The following CHMP3 variants were observed in gnomAD, a reference collection of about 807,000 sequenced individuals.
CHMP3 encodes 25.1 protein.
CHMP3 carries 8 observed loss-of-function variants against 27.4 expected under a neutral mutation model. The observed-to-expected ratio is 0.29, with a 90% CI of 0.17 to 0.53. The LOEUF is 0.53. CHMP3 is among the 20% of genes least tolerant of loss of function. The probability of loss-of-function intolerance (pLI) is 0.96; values close to 1 mark genes in which losing one functional copy is unlikely to be tolerated. For synonymous variants in CHMP3, 86 were observed against 85.5 expected (o/e 1.01, Z -0.03); for missense variants, 208 against 271.5 (o/e 0.77, Z 1.64).
chr2:86,527,498 T>C (rs1366674724), intron 3 of CHMP3, among the ~76,000 whole-genome samples: 2 of 152,230 alleles, frequency 1.3e-5, no homozygotes, highest in Non-Finnish European at 2.9e-5. Flanking sequence ...TCTGAATTTT[T>C]CAAGCTGGCT....
At chr2:86,518,459 A>G (rs1256913647) in intron 3 of CHMP3, among the ~76,000 whole-genome samples, 1 of 152,174 alleles carries the variant, frequency 6.6e-6, no homozygotes, top group Admixed American at 6.5e-5. Flanking sequence ...TATGACTTAC[A>G]TGCCTCCACT....
intron 4 of CHMP3, among the ~76,000 whole-genome samples, chr2:86,508,558 T>C (rs1224265961): frequency 6.6e-6 from 1 of 152,182 alleles, no homozygotes; most frequent in Non-Finnish European, 1.5e-5. Flanking sequence ...ATCCTGGTTG[T>C]CTTGCCACCT....
intron 2 of CHMP3, among the ~76,000 whole-genome samples, chr2:86,539,671 A>G (rs1676285200): frequency 6.6e-6 from 1 of 152,114 alleles, no homozygotes; most frequent in South Asian, 2.1e-4. Flanking sequence ...AATTATTATC[A>G]TTGTCATACA....
At chr2:86,515,985 A>G (rs1228597086) in intron 3 of CHMP3, among the ~76,000 whole-genome samples, 1 of 151,756 alleles carries the variant, frequency 6.6e-6, no homozygotes, top group African/African-American at 2.4e-5. Context: ...CGTCTCCACT[A>G]AAAAATACAA....
chr2:86,553,475 G>A (rs922967860), intron 1 of CHMP3, among the ~76,000 whole-genome samples: 1 of 152,096 alleles, frequency 6.6e-6, no homozygotes, highest in African/African-American at 2.4e-5. Context: ...GGGATTATAG[G>A]TGCACGCCAC....
Position 86,504,961 on chromosome 2 carries a change from T to C in CHMP3, c.*843A>G, listed in dbSNP as rs1247129453. On this transcript the variant is annotated 3_prime_UTR_variant, in exon 6 of 6. Coordinates refer to ENST00000263856, the MANE Select transcript of CHMP3 (RefSeq NM_016079.4). ...TAAGAATGTCCCAGATGAGTGAATG[T>C]TGGTTATGATGCATGACCACACCTT... 6.6e-6 allele frequency: 1 copy of C among 152,184 alleles called. No individual in the cohort carries two copies. Among genetic ancestry groups the C allele is most frequent in the Non-Finnish European group, 1.5e-5 (1 of 68,044 alleles). 9.4% of individuals were successfully genotyped at this position (152,184 alleles called of 1,614,324 possible).
At chr2:86,530,887 T>C (rs1380789166) in intron 2 of CHMP3, among the ~76,000 whole-genome samples, 1 of 152,218 alleles carries the variant, frequency 6.6e-6, no homozygotes, top group Non-Finnish European at 1.5e-5. Context: ...CTAACGGGTA[T>C]GAGGTCGTTT....
At chr2:86,507,373 T>G (rs1674925634) in intron 5 of CHMP3, 106 bp downstream of exon 5, 1 of 893,542 alleles carries the variant, frequency 1.1e-6, no homozygotes, top group South Asian at 1.5e-5. Flanking sequence ...ACGTTAAAAA[T>G]GTAGAAGGGA....
At chr2:86,559,970 A>C (rs967453685) in intron 1 of CHMP3, among the ~76,000 whole-genome samples, 2 of 152,228 alleles carry the variant, frequency 1.3e-5, no homozygotes, top group African/African-American at 4.8e-5. Flanking sequence ...TGCGTAATTC[A>C]TAAAAAGAAA....
intron 3 of CHMP3, among the ~76,000 whole-genome samples, chr2:86,524,880 T>C (rs1300179877): frequency 6.6e-6 from 1 of 152,200 alleles, no homozygotes; most frequent in Non-Finnish European, 1.5e-5. Flanking sequence ...GAGAAAACAA[T>C]ACAGGATGAT....
At chr2:86,560,411 G>T (rs569866119) in intron 1 of CHMP3, among the ~76,000 whole-genome samples, 1 of 152,150 alleles carries the variant, frequency 6.6e-6, no homozygotes, top group East Asian at 1.9e-4. Flanking sequence ...CCTTTGCAGG[G>T]ACATGGATGA....
At chr2:86,532,471 G>C (rs1198021311) in intron 2 of CHMP3, among the ~76,000 whole-genome samples, 1 of 152,072 alleles carries the variant, frequency 6.6e-6, no homozygotes, top group African/African-American at 2.4e-5. Flanking sequence ...TCAGTATCGT[G>C]TTAAAGAGAA....
intron 1 of CHMP3, among the ~76,000 whole-genome samples, chr2:86,550,483 C>A (rs1234410241): frequency 6.6e-6 from 1 of 151,280 alleles, no homozygotes. Context: ...AAACAAGACA[C>A]AAAGGCAATA....
intron 1 of CHMP3, 97 bp downstream of exon 1, chr2:86,563,207 C>T: frequency 3.5e-6 from 5 of 1,441,926 alleles, no homozygotes; most frequent in South Asian, 2.5e-5. Flanking sequence ...CGGGCGGTAT[C>T]GGGCAGGCGG....
chr2:86,520,775 T>G (rs879861748), intron 3 of CHMP3, among the ~76,000 whole-genome samples: 1 of 152,202 alleles, frequency 6.6e-6, no homozygotes, highest in Non-Finnish European at 1.5e-5. Flanking sequence ...GCTAGGTGGA[T>G]GTACTATCCT....
At chr2:86,560,859 A>G (rs1558665565) in intron 1 of CHMP3, among the ~76,000 whole-genome samples, 1 of 152,070 alleles carries the variant, frequency 6.6e-6, no homozygotes, top group Admixed American at 6.5e-5. Context: ...GGAGCAAGAG[A>G]GAATGAGGGA....
intron 3 of CHMP3, among the ~76,000 whole-genome samples, chr2:86,522,596 C>G (rs1573254501): frequency 6.6e-6 from 1 of 152,160 alleles, no homozygotes; most frequent in African/African-American, 2.4e-5. Flanking sequence ...GCCCTGCAGT[C>G]TCTTTCCAGG....
chr2:86,556,562 G>T (rs1267189903), intron 1 of CHMP3, among the ~76,000 whole-genome samples: 1 of 152,124 alleles, frequency 6.6e-6, no homozygotes, highest in Admixed American at 6.5e-5. Flanking sequence ...CTCTTACCTG[G>T]GAGATGTAAG....
At chr2:86,515,087 C>G (rs1675243919) in intron 3 of CHMP3, 2 of 152,146 alleles carry the variant, frequency 1.3e-5, no homozygotes, top group Non-Finnish European at 1.5e-5. Flanking sequence ...CTGCAGATCT[C>G]TCTGGGTTCA....
Sources: allele counts gnomAD v4.1 joint callset (sites outside exome capture counted in the v4.1 genomes callset), GRCh38; gene constraint gnomAD v4.1.1; transcripts MANE v1.5; gene names NCBI Gene and HGNC (gene_info 2026-07-23, HGNC 2026-07-21).